Variants in SLC12A7 observed in about 807,000 individuals in gnomAD.
The protein encoded by SLC12A7 is solute carrier family 12 member 7.
In SLC12A7, 100 loss-of-function variants were observed where a neutral mutation model predicts 120.6. That is an observed-to-expected ratio of 0.83 (90% CI 0.71 to 0.98). SLC12A7 has a LOEUF of 0.98. Among genes scored for constraint, SLC12A7 ranks in the 50% least tolerant of loss-of-function variants. SLC12A7 has a pLI of 0.00. For synonymous variants in SLC12A7, 760 were observed against 678.0 expected, an observed-to-expected ratio of 1.12 and a Z score of -1.88; for missense variants, 1,373 against 1,548.1, an observed-to-expected ratio of 0.89 and a Z score of 1.90.
the SLC12A7 span, among the ~76,000 whole-genome samples, chr5:1,153,938 C>A: frequency 3.9e-5 from 6 of 152,114 alleles, no homozygotes; most frequent in East Asian, 1.2e-3. Context: ...ACCCTGGAGT[C>A]CAAGAAATGA....
At chr5:1,130,164 C>A in the SLC12A7 span, among the ~76,000 whole-genome samples, 1 of 152,142 alleles carries the variant, frequency 6.6e-6, no homozygotes, top group Non-Finnish European at 1.5e-5. Flanking sequence ...CCTTTTCCAC[C>A]ACCCCCATCA....
intron 22 of SLC12A7, among the ~76,000 whole-genome samples, chr5:1,056,782 G>A (rs947158442): frequency 2.6e-5 from 4 of 152,132 alleles, no homozygotes; most frequent in Non-Finnish European, 5.9e-5. Context: ...GGTGTCTCTT[G>A]CGCTCTCATC....
chr5:1,076,386 A>T, intron 13 of SLC12A7, 150 bp from the exon 14 acceptor site: 1 of 272,424 alleles, frequency 3.7e-6, no homozygotes, highest in Non-Finnish European at 5.8e-6. Context: ...ACTCAGACTG[A>T]TTCCGAATCA....
chr5:1,077,395 C>T (rs749783156), intron 12 of SLC12A7, among the ~76,000 whole-genome samples: 3 of 152,224 alleles, frequency 2.0e-5, no homozygotes, highest in Non-Finnish European at 2.9e-5. Flanking sequence ...GCACAGCACA[C>T]GGACAGGACC....
At chr5:1,082,829 T>A (rs75144368) in intron 8 of SLC12A7, among the ~76,000 whole-genome samples, 1 of 105,588 alleles carries the variant, frequency 9.5e-6, no homozygotes, top group Non-Finnish European at 2.0e-5. Flanking sequence ...CTTCCCGTCT[T>A]GGGTTCTGGA....
chr5:1,082,616 C>T (rs1739307280), intron 8 of SLC12A7, among the ~76,000 whole-genome samples: 1 of 134,014 alleles, frequency 7.5e-6, no homozygotes, highest in African/African-American at 2.9e-5. Context: ...GGCTTCCTCT[C>T]TAGGGTTCTG....
upstream of SLC12A7, among the ~76,000 whole-genome samples, chr5:1,112,941 C>CCCA (rs1743155903): frequency 6.7e-6 from 1 of 149,716 alleles, no homozygotes; most frequent in Non-Finnish European, 1.5e-5. Flanking sequence ...CCCAGGAGTG[C>CCCA]CCCGCGGCCC....
the SLC12A7 span, among the ~76,000 whole-genome samples, chr5:1,152,236 C>A: frequency 6.6e-6 from 1 of 152,228 alleles, no homozygotes; most frequent in Admixed American, 6.5e-5. Flanking sequence ...CTCCCCTCTG[C>A]CCTGCACACC....
At chr5:1,091,287 C>T (rs1489835457) in intron 3 of SLC12A7, among the ~76,000 whole-genome samples, 1 of 152,210 alleles carries the variant, frequency 6.6e-6, no homozygotes, top group Non-Finnish European at 1.5e-5. Context: ...AGTCATGTCT[C>T]AGTACCAAGT....
chr5:1,123,365 T>A, the SLC12A7 span, among the ~76,000 whole-genome samples: 1 of 152,124 alleles, frequency 6.6e-6, no homozygotes, highest in Non-Finnish European at 1.5e-5. Context: ...CCTGGGCCCT[T>A]GAACCCTTGG....
chr5:1,051,065 A>G lies in SLC12A7; in HGVS notation c.*1295T>C. 1 of 397,556 alleles carries G rather than the reference A, an allele frequency of 2.5e-6. No homozygotes were observed. The highest frequency in any genetic ancestry group is 4.4e-6 in the Non-Finnish European group (1 of 225,720). 24.6% of individuals were successfully genotyped at this position (397,556 alleles called of 1,614,324 possible). A position where few individuals can be genotyped will look rare whatever the true frequency, so the allele number is the denominator to read the frequency against. On this transcript the variant is annotated 3_prime_UTR_variant, in exon 24 of 24. Coordinates refer to ENST00000264930, the MANE Select transcript of SLC12A7 (RefSeq NM_006598.3). ...GGGTGTTTAAATAAATAAATATGCC[A>G]CATAGAAAGGGAGGCCCAAGTCGGT...
chr5:1,115,361 C>T (rs988565375), upstream of SLC12A7, among the ~76,000 whole-genome samples: 10 of 152,208 alleles, frequency 6.6e-5, no homozygotes, highest in Admixed American at 3.3e-4. Flanking sequence ...GCCAGGAGGC[C>T]GCTCGTGCCC....
chr5:1,087,882 C>T (rs1048235420), intron 5 of SLC12A7, among the ~76,000 whole-genome samples: 4 of 152,214 alleles, frequency 2.6e-5, no homozygotes, highest in Admixed American at 6.5e-5. Flanking sequence ...TCTCGGTTCA[C>T]TAGTTATTTA....
intron 22 of SLC12A7, chr5:1,056,514 C>CCA (rs938330092): frequency 2.5e-5 from 21 of 826,104 alleles, no homozygotes; most frequent in Non-Finnish European, 3.1e-5. Flanking sequence ...CACACGCAGG[C>CCA]CACACACACA....
At chr5:1,151,878 C>T in the SLC12A7 span, among the ~76,000 whole-genome samples, 145 of 152,278 alleles carry the variant, frequency 9.5e-4, 1 homozygote, top group African/African-American at 2.7e-3. The surrounding 1 kb of genome is among the most constrained non-coding windows in gnomAD (Gnocchi z 6.2). Context: ...TCTGGGGGCA[C>T]GCCAGGTGAC....
chr5:1,125,734 G>A, the SLC12A7 span, among the ~76,000 whole-genome samples: 3 of 152,048 alleles, frequency 2.0e-5, no homozygotes, highest in African/African-American at 7.2e-5. Flanking sequence ...AGATCAGCCT[G>A]GCCCACATGG....
At position 1,058,636 on chromosome 5, in the gene SLC12A7, T is replaced by C. The variant is rs1276251213; in HGVS notation, c.2848-987A>G. On this transcript the variant is annotated intron_variant, in intron 21 of 23. Coordinates refer to ENST00000264930, the MANE Select transcript of SLC12A7 (RefSeq NM_006598.3). ...ACTGTTTAACTTGGATGTCGGTCCT[T>C]CCCGAAAGGGAAGAGATTGGCACAG... is the stretch of plus-strand genomic sequence containing the variant. Among the ~76,000 whole-genome samples, 5 of 152,342 alleles carry C rather than the reference T, an allele frequency of 3.3e-5. No individual in the cohort carries two copies. The South Asian group carries it at 8.3e-4, about 25-fold the overall frequency.
At chr5:1,067,566 G>A (rs1019156368) in intron 17 of SLC12A7, among the ~76,000 whole-genome samples, 1 of 152,258 alleles carries the variant, frequency 6.6e-6, no homozygotes, top group African/African-American at 2.4e-5. Flanking sequence ...AGCCAAGTTT[G>A]GATGCAGCCA....
chr5:1,077,740 C>G, intron 12 of SLC12A7, 93 bp downstream of exon 12: 2 of 1,298,226 alleles, frequency 1.5e-6, no homozygotes, highest in Admixed American at 2.9e-5. Context: ...CGCGGGCATG[C>G]GTCCCACACA....
Sources: allele counts gnomAD v4.1 joint callset (sites outside exome capture counted in the v4.1 genomes callset), GRCh38; gene constraint gnomAD v4.1.1; non-coding constraint Gnocchi (gnomAD v3.1); transcripts MANE v1.5; gene names NCBI Gene and HGNC (gene_info 2026-07-23, HGNC 2026-07-21).